BICRAL: variants seen among roughly 807,000 people sequenced by gnomAD.
BICRAL encodes BRD4-interacting chromatin-remodeling complex-associated protein-like.
A neutral mutation model predicts 91.8 loss-of-function variants in BICRAL; 8 were observed. The observed-to-expected ratio is 0.09, with a 90% CI of 0.05 to 0.16. BICRAL has a LOEUF of 0.16. BICRAL is among the 10% of genes least tolerant of loss of function. The probability of loss-of-function intolerance (pLI) is 1.00; values close to 1 mark genes in which losing one functional copy is unlikely to be tolerated. For missense variants in BICRAL, 1,038 were observed against 1,310.9 expected (o/e 0.79, Z 3.21); for synonymous variants, 445 against 491.1 (o/e 0.91, Z 1.24).
chr6:42,776,612 T>C (rs142716956), intron 1 of BICRAL, among the ~76,000 whole-genome samples: 180 of 152,284 alleles, frequency 1.2e-3, no homozygotes, highest in African/African-American at 4.2e-3. Flanking sequence ...CCTCCCAAAG[T>C]GTTAGGATTA....
upstream of BICRAL, among the ~76,000 whole-genome samples, chr6:42,779,989 C>T (rs1200032507): frequency 6.6e-6 from 1 of 152,182 alleles, no homozygotes; most frequent in Admixed American, 6.5e-5. Flanking sequence ...CAACCTCCAA[C>T]TTATGGGCTC....
rs528840009 is a variant in BICRAL, at chr6:42,791,638, TTTG to T, written c.-102+9540_-102+9542del. Among the ~76,000 whole-genome samples the T allele has an allele frequency of 2.6e-5, 4 of 152,314 alleles. No homozygotes were observed. In the South Asian group the frequency reaches 8.3e-4, roughly 32 times the overall value. On this transcript the variant is annotated intron_variant, in intron 1 of 12. Coordinates refer to ENST00000314073, the MANE Select transcript of BICRAL (RefSeq NM_001393499.1). ...GGTTCTAATGGGTTTGGTTTTTGTT[TTTG>T]TTTTTTGAGATGAGAACTCACTATG...
At position 42,829,501 on chromosome 6, in the gene BICRAL, C is replaced by G. The variant is rs200837356; in HGVS notation, c.1168C>G (p.Pro390Ala). Residue 390 changes from proline (P) to alanine (A), a missense_variant, in exon 6 of 13, where the codon CCC becomes GCC. By Grantham distance (27) the Pro-to-Ala change is conservative (BLOSUM62 -1). Around this residue, in one of 5 missense-constraint regions of BICRAL, gnomAD observed 532 missense variants for 724.9 expected, o/e 0.73. Coordinates refer to ENST00000314073, the MANE Select transcript of BICRAL (RefSeq NM_001393499.1). ...STGGSIVIHS[P>A]MGQPHAPQSQ... The stretch of plus-strand genomic sequence containing the variant: ...TGGGGGCAGTATTGTTATTCATTCC[C>G]CCATGGGCCAACCTCACGCACCCCA... 1 of 1,614,156 alleles carries G rather than the reference C, an allele frequency of 6.2e-7. No individual in the cohort carries two copies. Among genetic ancestry groups the G allele is most frequent in the South Asian group, 1.1e-5 (1 of 91,086 alleles).
At chr6:42,834,477 T>C (rs909225553) in intron 6 of BICRAL, among the ~76,000 whole-genome samples, 6 of 152,220 alleles carry the variant, frequency 3.9e-5, no homozygotes, top group Non-Finnish European at 8.8e-5. Context: ...GAGCTATTAC[T>C]ATCATGGCCT....
Position 42,797,905 on chromosome 6 carries a change from G to C in BICRAL, c.-101-12401G>C, listed in dbSNP as rs147430224. 6.8e-3 allele frequency among the ~76,000 whole-genome samples: 1,032 copies of C among 152,222 alleles called. 18 individuals carry two copies. The highest frequency in any genetic ancestry group is 0.024 in the African/African-American group (987 of 41,540). On this transcript the variant is annotated intron_variant, in intron 1 of 12. Coordinates refer to ENST00000314073, the MANE Select transcript of BICRAL (RefSeq NM_001393499.1). ...GCAGGAGAATCACTTGAGCCTGGGA[G>C]GCAGAGGTTTCAGTGAGCCACTATT...
At chr6:42,751,277 A>G (rs940515990) in intron 1 of BICRAL, among the ~76,000 whole-genome samples, 2 of 152,050 alleles carry the variant, frequency 1.3e-5, no homozygotes, top group African/African-American at 2.4e-5. Flanking sequence ...TCCTGGGTGG[A>G]GAGCCTTAAA....
rs11422654 is a variant in BICRAL, at chr6:42,826,793, G to GTTT, written c.160-1692_160-1690dup. 2.1e-5 allele frequency among the ~76,000 whole-genome samples: 3 copies of GTTT among 146,252 alleles called. No homozygotes were observed. The South Asian group carries it at 6.5e-4, about 32-fold the overall frequency. ...AGGGTCAATTTCCTCTTGTTTGTTT[G>GTTT]TTTTTTTTTTGAGACAAAGTTTCGC... On this transcript the variant is annotated intron_variant, in intron 5 of 12. Transcript: ENST00000314073.
chr6:42,855,546 CATGATGATGATGATG>C (rs113362170), intron 8 of BICRAL, among the ~76,000 whole-genome samples: 1 of 150,736 alleles, frequency 6.6e-6, no homozygotes, highest in Non-Finnish European at 1.5e-5. Flanking sequence ...TGTCAAAAAA[CATGATGATGATGATG>C]ATGATGATGA....
At chr6:42,836,316 T>C (rs975074591) in intron 6 of BICRAL, among the ~76,000 whole-genome samples, 1 of 152,116 alleles carries the variant, frequency 6.6e-6, no homozygotes, top group Non-Finnish European at 1.5e-5. Flanking sequence ...AAAATACCTT[T>C]TTCTCTCTGA....
chr6:42,814,042 T>C (rs1351181780), intron 2 of BICRAL, among the ~76,000 whole-genome samples: 1 of 152,028 alleles, frequency 6.6e-6, no homozygotes, highest in Non-Finnish European at 1.5e-5. Context: ...AAAAATGTGA[T>C]TTTGAAGACT....
At position 42,867,778 on chromosome 6, in the gene BICRAL, C is replaced by G. The variant is rs1765754957; in HGVS notation, c.*2332C>G. 6.6e-6 allele frequency: 1 copy of G among 152,192 alleles called. No homozygotes were observed. Among genetic ancestry groups the G allele is most frequent in the African/African-American group, 2.4e-5 (1 of 41,454 alleles). 9.4% of individuals were successfully genotyped at this position (152,192 alleles called of 1,614,324 possible). On this transcript the variant is annotated 3_prime_UTR_variant, in exon 13 of 13. Coordinates refer to ENST00000314073, the MANE Select transcript of BICRAL (RefSeq NM_001393499.1). ...AGGGTTTTTAAGCCCTAACACTTGT[C>G]TAGCAAATGGAGAGCCTAATTTACC...
chr6:42,789,714 T>C (rs909293793), intron 1 of BICRAL, among the ~76,000 whole-genome samples: 1 of 151,708 alleles, frequency 6.6e-6, no homozygotes, highest in Non-Finnish European at 1.5e-5. Context: ...TGGAAGAAAA[T>C]TGCTTTAGAA....
chr6:42,752,877 A>G (rs1430083110), intron 1 of BICRAL, among the ~76,000 whole-genome samples: 1 of 147,668 alleles, frequency 6.8e-6, no homozygotes, highest in Non-Finnish European at 1.5e-5. Context: ...GGCTGGGATT[A>G]CAGGTGTGAG....
intron 2 of BICRAL, among the ~76,000 whole-genome samples, chr6:42,821,531 A>C (rs758204375): frequency 2.3e-4 from 35 of 152,244 alleles, no homozygotes; most frequent in Non-Finnish European, 4.3e-4. Flanking sequence ...AAATGCAGGA[A>C]GAACCATTTT....
In BICRAL at chr6:42,803,469, C is replaced by T. The variant is rs978560660; in HGVS notation, c.-101-6837C>T. On this transcript the variant is annotated intron_variant, in intron 1 of 12. Coordinates refer to ENST00000314073, the MANE Select transcript of BICRAL (RefSeq NM_001393499.1). ...GAGGACCAGGCCTGCATCCCAAATC[C>T]TGTGCTGTACCATCGTCAAAAAGTG... is the stretch of plus-strand genomic sequence containing the variant. Among the ~76,000 whole-genome samples the T allele has an allele frequency of 3.3e-5, 5 of 152,268 alleles. No homozygotes were observed. The East Asian group carries it at 9.6e-4, about 29-fold the overall frequency.
At chr6:42,817,260 C>CAT (rs1308759582) in intron 2 of BICRAL, among the ~76,000 whole-genome samples, 1 of 150,994 alleles carries the variant, frequency 6.6e-6, no homozygotes, top group Non-Finnish European at 1.5e-5. Context: ...TTTAATTGAC[C>CAT]ATATATCCTA....
chr6:42,856,465 T>G (rs1383973633), intron 9 of BICRAL, among the ~76,000 whole-genome samples: 1 of 142,724 alleles, frequency 7.0e-6, no homozygotes, highest in African/African-American at 2.6e-5. Context: ...GCCTCCGCCT[T>G]CTGGGCTCAA....
At chr6:42,809,467 G>A (rs111650197) in intron 1 of BICRAL, among the ~76,000 whole-genome samples, 3 of 118,174 alleles carry the variant, frequency 2.5e-5, no homozygotes, top group Non-Finnish European at 3.3e-5. Flanking sequence ...ACAGAGTTTC[G>A]CTCTTGTTGC....
rs1175888523 is a variant in BICRAL, at chr6:42,757,677, G to A, written c.-261+10654G>A. 7.2e-5 allele frequency among the ~76,000 whole-genome samples: 11 copies of A among 152,172 alleles called. No individual in the cohort carries two copies. In the East Asian group the frequency reaches 1.5e-3, roughly 21 times the overall value. On this transcript the variant is annotated intron_variant, in intron 1 of 14. Transcript: ENST00000614467. ...GCTGGGATTACAGGCATGAGCCACC[G>A]CGCCCAGCCTGTTAACTCTTATGTG... is the stretch of plus-strand genomic sequence containing the variant.
Sources: gnomAD v4.1 joint callset for allele counts (sites outside exome capture counted in the v4.1 genomes callset) on GRCh38, gnomAD v4.1.1 for gene constraint, gnomAD v4.1.1 regional missense constraint, MANE v1.5 for transcripts, NCBI Gene and HGNC (gene_info 2026-07-23, HGNC 2026-07-21) for gene names.